Variants in PITPNM3 observed in about 807,000 individuals in gnomAD.
PITPNM3 encodes the protein membrane-associated phosphatidylinositol transfer protein 3.
In PITPNM3, 26 loss-of-function variants were observed where a neutral mutation model predicts 102.0. The observed-to-expected ratio is 0.25, with a 90% confidence interval of 0.19 to 0.35. PITPNM3 has a LOEUF of 0.35. Among genes scored for constraint, PITPNM3 ranks in the 10% least tolerant of loss-of-function variants. The pLI, the probability that PITPNM3 is intolerant of heterozygous loss-of-function variation, is 1.00. For missense variants in PITPNM3, 1,083 were observed against 1,346.1 expected (o/e 0.80, Z 3.06); for synonymous variants, 578 against 558.6 (o/e 1.03, Z -0.49).
intron 16 of PITPNM3, 132 bp from the exon 17 acceptor site, chr17:6,464,013 G>T: frequency 6.5e-7 from 1 of 1,534,184 alleles, no homozygotes; most frequent in East Asian, 2.3e-5. Context: ...GGCATCTCCT[G>T]ATGCCACGGC....
At position 6,501,833 on chromosome 17, in the gene PITPNM3, G is replaced by A. The variant is rs148265482; in HGVS notation, c.274+1694C>T. ...CCTGACCAAACCAAGTGCTTCCCCC[G>A]TGGCCTTGCATGGTGTGGAATGGCC... On this transcript the variant is annotated intron_variant, in intron 4 of 19. Transcript: ENST00000262483. Among the ~76,000 whole-genome samples, 952 of 152,238 alleles carry A rather than the reference G, an allele frequency of 6.3e-3. 11 individuals carry two copies. The highest frequency in any genetic ancestry group is 0.022 in the African/African-American group (898 of 41,540).
intron 1 of PITPNM3, among the ~76,000 whole-genome samples, chr17:6,546,701 T>C (rs956739312): frequency 4.6e-5 from 7 of 152,152 alleles, no homozygotes; most frequent in African/African-American, 1.7e-4. Context: ...TTGAAGGATA[T>C]GTTCACTCTA....
At position 6,468,206 on chromosome 17, in the gene PITPNM3, G is replaced by T; in HGVS notation, c.1890+19C>A. On this transcript the variant is annotated intron_variant, in intron 14 of 19. Coordinates refer to ENST00000262483, the MANE Select transcript of PITPNM3 (RefSeq NM_031220.4). This position sits in a 1 kb window ranked among gnomAD's most constrained non-coding sequence, Gnocchi z 5.2. ...GGAGGACACAGTCCCAGCCACATGC[G>T]AACTGAGCATGCACGCACCCTCAGC... The T allele has an allele frequency of 6.2e-7, 1 of 1,608,576 alleles. No individual in the cohort carries two copies. The highest frequency in any genetic ancestry group is 8.5e-7 in the Non-Finnish European group (1 of 1,176,498).
At chr17:6,499,140 A>T (rs549638913) in intron 4 of PITPNM3, among the ~76,000 whole-genome samples, 7 of 151,930 alleles carry the variant, frequency 4.6e-5, no homozygotes, top group Admixed American at 1.3e-4. Flanking sequence ...CCAAGCCCCC[A>T]CACACAATGG....
intron 3 of PITPNM3, among the ~76,000 whole-genome samples, chr17:6,511,524 G>A (rs901785223): frequency 6.6e-6 from 1 of 152,176 alleles, no homozygotes; most frequent in Admixed American, 6.5e-5. Context: ...AGGGCCCAGT[G>A]TAAAATGAAA....
At chr17:6,481,394 T>A (rs1482820619) in intron 6 of PITPNM3, 1 of 154,122 alleles carries the variant, frequency 6.5e-6, no homozygotes. Context: ...AAGGCTGGCA[T>A]CCCTATGTGC....
chr17:6,550,856 T>C (rs56094989), intron 1 of PITPNM3, among the ~76,000 whole-genome samples: 6,567 of 152,256 alleles, frequency 0.043, 454 homozygotes, highest in African/African-American at 0.15. Flanking sequence ...GTCACAGGCT[T>C]GAGGTGGAAC....
At chr17:6,467,895 G>A (rs1392041240) in intron 14 of PITPNM3, among the ~76,000 whole-genome samples, 1 of 152,202 alleles carries the variant, frequency 6.6e-6, no homozygotes, top group Non-Finnish European at 1.5e-5. Flanking sequence ...GTAAGTGACT[G>A]AGATCCAGGA....
At chr17:6,528,758 C>T (rs574295643) in intron 2 of PITPNM3, among the ~76,000 whole-genome samples, 1 of 152,262 alleles carries the variant, frequency 6.6e-6, no homozygotes, top group East Asian at 1.9e-4. Flanking sequence ...GCCTTTACGT[C>T]TTCACTCTGG....
chr17:6,483,829 A>G, intron 5 of PITPNM3, 77 bp from the exon 6 acceptor site: 1 of 1,209,176 alleles, frequency 8.3e-7, no homozygotes, highest in Non-Finnish European at 1.2e-6. Context: ...ACACACACAC[A>G]TGTGCGCATA....
At chr17:6,555,551 C>T (rs1048059172) in intron 1 of PITPNM3, among the ~76,000 whole-genome samples, 1 of 152,212 alleles carries the variant, frequency 6.6e-6, no homozygotes, top group South Asian at 2.1e-4. Context: ...TGTCCTCCAC[C>T]CGCCTCCCAA....
chr17:6,526,008 G>A (rs983018933), intron 2 of PITPNM3, among the ~76,000 whole-genome samples: 69 of 152,214 alleles, frequency 4.5e-4, no homozygotes, highest in African/African-American at 1.5e-3. Flanking sequence ...GAGTGGATGA[G>A]GATTTGTGTG....
intron 2 of PITPNM3, among the ~76,000 whole-genome samples, chr17:6,526,307 C>A (rs1908830105): frequency 6.6e-6 from 1 of 152,198 alleles, no homozygotes; most frequent in Non-Finnish European, 1.5e-5. Context: ...CCTCATCCTA[C>A]AAAGGGACAT....
chr17:6,516,902 G>T (rs77084445), intron 3 of PITPNM3, among the ~76,000 whole-genome samples: 5 of 151,880 alleles, frequency 3.3e-5, no homozygotes, highest in East Asian at 1.9e-4. Flanking sequence ...ATTTAAAAAC[G>T]TAAATCTTCA....
At chr17:6,552,594 C>T (rs897477829) in intron 1 of PITPNM3, among the ~76,000 whole-genome samples, 8 of 152,130 alleles carry the variant, frequency 5.3e-5, no homozygotes, top group Admixed American at 2.0e-4. Context: ...CTGCATTCTT[C>T]CGCTCCAGCC....
chr17:6,474,592 G>T lies in PITPNM3; in HGVS notation c.1098C>A (p.Ser366Arg), dbSNP rs111401109. 1 of 1,570,110 alleles carries T rather than the reference G, an allele frequency of 6.4e-7. No homozygotes were observed. The highest frequency in any genetic ancestry group is 1.9e-5 in the Admixed American group (1 of 52,898). ...GGGTCTCAGACTCATCCTTTAGCAC[G>T]CTGGAGTGGATGCTGCGGAGGGAGG... ...HHAFLSSIHS[S>R]VLKDESETPA... The change falls in exon 10 of 20, where the codon AGC becomes AGA. Residue 366 changes from serine (S) to arginine (R), a missense_variant. By Grantham distance (110) the Ser-to-Arg change is moderately radical. Coordinates refer to ENST00000262483, the MANE Select transcript of PITPNM3 (RefSeq NM_031220.4).
chr17:6,473,612 C>T (rs1444185987), intron 10 of PITPNM3, among the ~76,000 whole-genome samples: 1 of 152,196 alleles, frequency 6.6e-6, no homozygotes, highest in Non-Finnish European at 1.5e-5. Context: ...GATACCCTCC[C>T]CACCCCTCAT....
At chr17:6,528,183 T>G (rs1201124941) in intron 2 of PITPNM3, among the ~76,000 whole-genome samples, 1 of 152,100 alleles carries the variant, frequency 6.6e-6, no homozygotes, top group Middle Eastern at 3.2e-3. Context: ...TCTCCCAAGC[T>G]CTCCCATGCT....
Position 6,477,064 on chromosome 17 carries a change from G to C in PITPNM3, c.1050C>G (p.Cys350Trp). The change falls in exon 9 of 20, where the codon TGC becomes TGG. Residue 350 changes from cysteine to tryptophan, a missense_variant. By Grantham distance (215) the Cys-to-Trp change is radical. This residue lies in a region of PITPNM3 where 172 missense variants were observed against 175.6 expected (regional missense o/e 0.98). Coordinates refer to ENST00000262483, the MANE Select transcript of PITPNM3 (RefSeq NM_031220.4). ...AGGCATGGTGCTGGGTGATGGCCTC[G>C]CAGTCATAGGTGGAGGAGTCGCTCT... The part of the protein sequence containing the change: ...RKQSDSSTYD[C>W]EAITQHHAFL... 1.2e-6 allele frequency: 2 copies of C among 1,614,152 alleles called. No individual in the cohort carries two copies. Among genetic ancestry groups the C allele is most frequent in the Non-Finnish European group, 1.7e-6 (2 of 1,180,022 alleles).
Sources: gnomAD v4.1 joint callset for allele counts (sites outside exome capture counted in the v4.1 genomes callset) on GRCh38, gnomAD v4.1.1 for gene constraint, gnomAD v4.1.1 regional missense constraint, Gnocchi (gnomAD v3.1) non-coding constraint, MANE v1.5 for transcripts, NCBI Gene and HGNC (gene_info 2026-07-23, HGNC 2026-07-21) for gene names.